ZNF148: variants seen among roughly 807,000 people sequenced by gnomAD.
The protein encoded by ZNF148 is Beta-Enolase Repressor Factor-1.
ZNF148 carries 7 observed loss-of-function variants against 67.7 expected under a neutral mutation model. The observed-to-expected ratio is 0.10, with a 90% confidence interval of 0.06 to 0.19. The LOEUF (loss-of-function observed/expected upper bound fraction) is 0.19. ZNF148 is among the 10% of genes least tolerant of loss of function. The pLI is 1.00. For missense variants in ZNF148, 583 were observed against 947.1 expected (o/e 0.62, Z 5.05); for synonymous variants, 333 against 330.7 (o/e 1.01, Z -0.08).
At chr3:125,325,981 T>C (rs187840768) in intron 2 of ZNF148, among the ~76,000 whole-genome samples, 14 of 152,098 alleles carry the variant, frequency 9.2e-5, no homozygotes, top group Admixed American at 2.0e-4. Flanking sequence ...TTAGAAACAA[T>C]AGAGGCAAGA....
intron 7 of ZNF148, among the ~76,000 whole-genome samples, chr3:125,261,453 T>C (rs1033587717): frequency 1.3e-5 from 2 of 152,160 alleles, no homozygotes; most frequent in African/African-American, 4.8e-5. Flanking sequence ...GTAAGTACTA[T>C]GTATGAGAGG....
chr3:125,373,634 A>G (rs1245092357), intron 1 of ZNF148, among the ~76,000 whole-genome samples: 1 of 152,002 alleles, frequency 6.6e-6, no homozygotes, highest in Admixed American at 6.6e-5. Flanking sequence ...GCAACCTAAA[A>G]CCAAAACAGA....
chr3:125,347,453 T>A (rs1013512040), intron 1 of ZNF148, among the ~76,000 whole-genome samples: 1 of 152,150 alleles, frequency 6.6e-6, no homozygotes, highest in Non-Finnish European at 1.5e-5. Flanking sequence ...GCTACAGTAA[T>A]CAAGACACTG....
At chr3:125,346,013 CAA>C (rs1259627156) in intron 1 of ZNF148, among the ~76,000 whole-genome samples, 4 of 152,086 alleles carry the variant, frequency 2.6e-5, no homozygotes, top group African/African-American at 9.7e-5. Context: ...CAACACAAGA[CAA>C]AGACATCACA....
chr3:125,242,368 C>A (rs558372897), intron 7 of ZNF148, among the ~76,000 whole-genome samples: 1 of 152,298 alleles, frequency 6.6e-6, no homozygotes, highest in Non-Finnish European at 1.5e-5. Flanking sequence ...TGCCTATAAT[C>A]CCAGCACTCT....
At chr3:125,332,217 G>A (rs549651548) in intron 1 of ZNF148, among the ~76,000 whole-genome samples, 5 of 152,192 alleles carry the variant, frequency 3.3e-5, no homozygotes, top group African/African-American at 1.2e-4. Flanking sequence ...CAGTAGCTTT[G>A]TTATTGAGGT....
intron 7 of ZNF148, among the ~76,000 whole-genome samples, chr3:125,238,835 A>C (rs1221213665): frequency 1.3e-5 from 2 of 152,240 alleles, no homozygotes; most frequent in African/African-American, 4.8e-5. Context: ...GAATTATTCA[A>C]AATAGACAAA....
intron 3 of ZNF148, chr3:125,315,021 T>C: frequency 6.6e-6 from 1 of 152,232 alleles, no homozygotes; most frequent in East Asian, 1.9e-4. Context: ...GTGACTGTAC[T>C]ACTGCACTCC....
At chr3:125,248,418 CTA>C (rs1009052174) in intron 7 of ZNF148, among the ~76,000 whole-genome samples, 1 of 152,142 alleles carries the variant, frequency 6.6e-6, no homozygotes, top group Non-Finnish European at 1.5e-5. Context: ...TCTGATAACT[CTA>C]TGTTGAGTCC....
intron 4 of ZNF148, 31 bp from the exon 5 acceptor site, chr3:125,288,259 CATAA>C: frequency 6.3e-7 from 1 of 1,582,094 alleles, no homozygotes; most frequent in Non-Finnish European, 8.6e-7. Context: ...CAATTTTAGA[CATAA>C]ATAAAAAGTT....
At chr3:125,344,609 T>C (rs895280840) in intron 1 of ZNF148, 4 of 773,056 alleles carry the variant, frequency 5.2e-6, no homozygotes, top group African/African-American at 1.7e-5. Flanking sequence ...AATCCTGTCA[T>C]AGATGTACCA....
rs1297591861 is a variant in ZNF148 at position 125,278,387 on chromosome 3, TTCTC to T, written c.584-582_584-579del. Among the ~76,000 whole-genome samples, 3 of 152,224 alleles carry T rather than the reference TTCTC, an allele frequency of 2.0e-5. No homozygotes were observed. In the East Asian group the frequency reaches 5.8e-4, roughly 29 times the overall value. Reference sequence around the variant, plus strand: ...CCTGAAACACTTCTACCTTAGTACTTTCTCTCCTTCTCTTTCACTACACCTCCTT... The same window carrying T: ...CCTGAAACACTTCTACCTTAGTACTTTCCTTCTCTTTCACTACACCTCCTT... On this transcript the variant is annotated intron_variant, in intron 6 of 8. Coordinates refer to ENST00000360647, the MANE Select transcript of ZNF148 (RefSeq NM_021964.3).
intron 6 of ZNF148, among the ~76,000 whole-genome samples, chr3:125,278,539 TTCTCTAACC>T (rs1938197553): frequency 2.0e-5 from 3 of 152,126 alleles, no homozygotes; most frequent in Admixed American, 1.3e-4. Context: ...TTTTTCTTGG[TTCTCTAACC>T]TCTATCCTCC....
chr3:125,350,161 G>GTTTTT (rs551085074), intron 1 of ZNF148, among the ~76,000 whole-genome samples: 3 of 151,432 alleles, frequency 2.0e-5, no homozygotes, highest in African/African-American at 7.3e-5. Context: ...ATGGGTTTTG[G>GTTTTT]TTTTGTTTTG....
At chr3:125,294,300 C>G (rs1939173195) in intron 4 of ZNF148, among the ~76,000 whole-genome samples, 1 of 152,066 alleles carries the variant, frequency 6.6e-6, no homozygotes, top group Admixed American at 6.5e-5. Context: ...ATTGAATCCT[C>G]AAACAGAAAA....
intron 4 of ZNF148, among the ~76,000 whole-genome samples, chr3:125,303,212 T>G (rs1939687290): frequency 6.6e-6 from 1 of 152,166 alleles, no homozygotes; most frequent in Admixed American, 6.5e-5. Flanking sequence ...TTAGGAATGA[T>G]GGAAGGAAGA....
Position 125,317,662 on chromosome 3 carries a change from T to TATATATAGAGAGAGAGAGAG in ZNF148, c.-16-4007_-16-4006insCTCTCTCTCTCTCTATATAT, listed in dbSNP as rs752542874. 6.1e-3 allele frequency among the ~76,000 whole-genome samples: 547 copies of TATATATAGAGAGAGAGAGAG among 90,004 alleles called. 6 individuals carry two copies. The highest frequency in any genetic ancestry group is 8.9e-3 in the South Asian group (23 of 2,596). The allele number at this position is 90,004 out of a possible 152,430, so 59.0% of individuals were successfully genotyped here. A position where few individuals can be genotyped will look rare whatever the true frequency, so the allele number is the denominator to read the frequency against. On this transcript the variant is annotated intron_variant, in intron 3 of 8. Transcript: ENST00000360647. ...GATCTTTTATATATATATATATATA[T>TATATATAGAGAGAGAGAGAG]AGAGAGAGAGAGAGAGAAATACATA...
intron 2 of ZNF148, among the ~76,000 whole-genome samples, chr3:125,330,368 A>C (rs1384811667): frequency 6.7e-6 from 1 of 148,598 alleles, no homozygotes; most frequent in Non-Finnish European, 1.5e-5. Flanking sequence ...GAGAGGCCTG[A>C]GGTGGGTGGA....
chr3:125,281,045 T>A (rs1938357626), intron 5 of ZNF148, among the ~76,000 whole-genome samples: 1 of 152,218 alleles, frequency 6.6e-6, no homozygotes, highest in South Asian at 2.1e-4. Flanking sequence ...CATTTTTACT[T>A]TAAATTCAAG....
Sources: allele counts gnomAD v4.1 joint callset (sites outside exome capture counted in the v4.1 genomes callset), GRCh38; gene constraint gnomAD v4.1.1; transcripts MANE v1.5; gene names NCBI Gene and HGNC (gene_info 2026-07-23, HGNC 2026-07-21).